The following CAMK1D variants were observed in gnomAD, a reference collection of about 807,000 sequenced individuals.
CAMK1D encodes the protein calcium/calmodulin dependent protein kinase ID.
CAMK1D carries 9 observed loss-of-function variants against 47.7 expected under a neutral mutation model. The observed-to-expected ratio is 0.19, with a 90% CI of 0.11 to 0.33. CAMK1D has a LOEUF of 0.33. Ranked by LOEUF, CAMK1D falls within the 10% of genes least tolerant of loss-of-function variation. The probability of loss-of-function intolerance (pLI) is 1.00; values close to 1 mark genes in which losing one functional copy is unlikely to be tolerated. For synonymous variants in CAMK1D, 184 were observed against 184.9 expected (o/e 0.99, Z 0.04); for missense variants, 291 against 488.7 (o/e 0.60, Z 3.81).
At chr10:12,825,496 T>C (rs1833168282) in intron 9 of CAMK1D, 77 bp from the exon 10 acceptor site, 7 of 1,407,586 alleles carry the variant, frequency 5.0e-6, no homozygotes, top group Middle Eastern at 1.8e-4. Flanking sequence ...GCTAATGTGA[T>C]AAACAAGAGA....
intron 1 of CAMK1D, among the ~76,000 whole-genome samples, chr10:12,373,698 C>T (rs1397647192): frequency 6.6e-6 from 1 of 152,062 alleles, no homozygotes; most frequent in African/African-American, 2.4e-5. Context: ...ATCTAAAACA[C>T]TTCATAGCAT....
At chr10:12,671,374 T>C (rs182236718) in intron 3 of CAMK1D, among the ~76,000 whole-genome samples, 283 of 151,636 alleles carry the variant, frequency 1.9e-3, no homozygotes, top group Non-Finnish European at 3.0e-3. Flanking sequence ...TTTTGAGAAC[T>C]CATCAAACTA....
chr10:12,365,018 G>A lies in CAMK1D; in HGVS notation c.92+15108G>A, dbSNP rs192132017. ...GTCACCCAGGCTGGAGTTCAGTGGT[G>A]CGATCTTGACTCTCTGGAACCTCTG... On this transcript the variant is annotated intron_variant, in intron 1 of 10. Transcript: ENST00000619168. 6.9e-3 allele frequency among the ~76,000 whole-genome samples: 1,038 copies of A among 151,382 alleles called. 8 individuals carry two copies. The highest frequency in any genetic ancestry group is 8.5e-3 in the Non-Finnish European group (578 of 67,872).
chr10:12,444,851 C>A (rs1475693025), intron 1 of CAMK1D, among the ~76,000 whole-genome samples: 1 of 152,144 alleles, frequency 6.6e-6, no homozygotes, highest in Non-Finnish European at 1.5e-5. Flanking sequence ...CTCCAGGTAA[C>A]AGGCTTCAGA....
chr10:12,633,522 T>A (rs184279351), intron 2 of CAMK1D, among the ~76,000 whole-genome samples: 1 of 152,266 alleles, frequency 6.6e-6, no homozygotes, highest in African/African-American at 2.4e-5. Flanking sequence ...CTGTAGATAC[T>A]CGGTTCCGAG....
chr10:12,761,363 C>A (rs530696024), intron 4 of CAMK1D, among the ~76,000 whole-genome samples: 201 of 152,302 alleles, frequency 1.3e-3, no homozygotes, highest in African/African-American at 4.5e-3. Context: ...TTATATATTG[C>A]TTCGAGCCTA....
chr10:12,530,229 C>T (rs912104716), intron 1 of CAMK1D, among the ~76,000 whole-genome samples: 5 of 152,180 alleles, frequency 3.3e-5, no homozygotes, highest in African/African-American at 9.7e-5. Context: ...GGCATCAACA[C>T]GGGAACACAG....
intron 6 of CAMK1D, among the ~76,000 whole-genome samples, chr10:12,802,340 G>A (rs887633237): frequency 4.6e-5 from 7 of 152,076 alleles, no homozygotes; most frequent in African/African-American, 1.7e-4. Context: ...GCTGAAAAAG[G>A]CTTCTCCGTC....
At chr10:12,684,751 A>G (rs932080463) in intron 3 of CAMK1D, among the ~76,000 whole-genome samples, 2 of 151,454 alleles carry the variant, frequency 1.3e-5, no homozygotes, top group Non-Finnish European at 1.5e-5. Context: ...AAACACTAAG[A>G]GAATATATTC....
chr10:12,476,915 T>TA (rs762172584), intron 1 of CAMK1D, among the ~76,000 whole-genome samples: 36 of 152,238 alleles, frequency 2.4e-4, no homozygotes, highest in Admixed American at 9.8e-4. Context: ...AGCCCACAGT[T>TA]AGAGGAGTGG....
chr10:12,430,777 G>T (rs149718270), intron 1 of CAMK1D, among the ~76,000 whole-genome samples: 17 of 152,238 alleles, frequency 1.1e-4, no homozygotes, highest in Non-Finnish European at 1.8e-4. Flanking sequence ...TTAAGATGGG[G>T]TCTTGCTGTG....
At chr10:12,585,507 A>G (rs1236318649) in intron 2 of CAMK1D, among the ~76,000 whole-genome samples, 1 of 152,238 alleles carries the variant, frequency 6.6e-6, no homozygotes, top group African/African-American at 2.4e-5. Flanking sequence ...GATAATTTAT[A>G]AAGAAAAAGA....
At chr10:12,511,183 C>T (rs1301795198) in intron 1 of CAMK1D, among the ~76,000 whole-genome samples, 3 of 152,176 alleles carry the variant, frequency 2.0e-5, no homozygotes, top group Non-Finnish European at 4.4e-5. Context: ...GTCTGTCTTC[C>T]TCTGCCTTTA....
intron 1 of CAMK1D, among the ~76,000 whole-genome samples, chr10:12,450,211 T>C (rs1305278469): frequency 1.3e-5 from 2 of 152,082 alleles, no homozygotes; most frequent in Non-Finnish European, 2.9e-5. Flanking sequence ...GTAATTAAAA[T>C]AGCATTATCA....
chr10:12,601,628 T>C (rs1344869032), intron 2 of CAMK1D, among the ~76,000 whole-genome samples: 1 of 152,166 alleles, frequency 6.6e-6, no homozygotes, highest in African/African-American at 2.4e-5. Flanking sequence ...CACGTCTGGC[T>C]GGTTTTTGTA....
intron 1 of CAMK1D, among the ~76,000 whole-genome samples, chr10:12,469,381 A>G (rs1485854863): frequency 7.0e-6 from 1 of 142,530 alleles, no homozygotes; most frequent in East Asian, 2.1e-4. Flanking sequence ...TGCTCATGCA[A>G]TTAACCCTTT....
intron 1 of CAMK1D, among the ~76,000 whole-genome samples, chr10:12,527,729 G>A (rs906585878): frequency 3.3e-5 from 5 of 152,172 alleles, no homozygotes; most frequent in African/African-American, 1.2e-4. Context: ...ATTAATCCAG[G>A]AAACTTACCA....
intron 2 of CAMK1D, among the ~76,000 whole-genome samples, chr10:12,593,371 C>T (rs1222105179): frequency 2.0e-5 from 3 of 152,174 alleles, no homozygotes; most frequent in Non-Finnish European, 4.4e-5. Context: ...GGGTGGATCA[C>T]TTGAGGTCAG....
At chr10:12,350,865 C>A (rs960224374) in intron 1 of CAMK1D, among the ~76,000 whole-genome samples, 1 of 152,192 alleles carries the variant, frequency 6.6e-6, no homozygotes, top group African/African-American at 2.4e-5. Context: ...TGTGGATTCA[C>A]GCACAGGTGT....
Sources: gnomAD v4.1 joint callset for allele counts (sites outside exome capture counted in the v4.1 genomes callset) on GRCh38, gnomAD v4.1.1 for gene constraint, MANE v1.5 for transcripts, NCBI Gene and HGNC (gene_info 2026-07-23, HGNC 2026-07-21) for gene names.